The following ADAMTSL1 variants were observed in gnomAD, a reference collection of about 807,000 sequenced individuals.
The protein encoded by ADAMTSL1 is ADAMTS like 1.
Under a neutral mutation model 201.8 loss-of-function variants are expected in ADAMTSL1, and 126 were observed. The observed-to-expected ratio is 0.62, with a 90% CI of 0.54 to 0.72. The LOEUF (loss-of-function observed/expected upper bound fraction) is 0.72, where lower values mean the gene tolerates loss of function less well. Among genes scored for constraint, ADAMTSL1 ranks in the 30% least tolerant of loss-of-function variants. The pLI is 0.00. For synonymous variants in ADAMTSL1, 1,121 were observed against 903.4 expected, an observed-to-expected ratio of 1.24 and a Z score of -4.32; for missense variants, 2,679 against 2,277.8, an observed-to-expected ratio of 1.18 and a Z score of -3.59.
intron 20 of ADAMTSL1, among the ~76,000 whole-genome samples, chr9:18,807,111 C>T (rs1823181275): frequency 6.6e-6 from 1 of 152,164 alleles, no homozygotes. Flanking sequence ...CTTCACTTCT[C>T]ATATTGGGCC....
rs554969798 is a variant in ADAMTSL1, at chr9:18,120,014, G to T, written c.88-43848G>T. On this transcript the variant is annotated intron_variant, in intron 1 of 29. Coordinates refer to the ADAMTSL1 transcript ENST00000680146. The stretch of plus-strand genomic sequence containing the variant: ...TGTGCAACAAACTTACCCCAAATTT[G>T]CCAGCTTAAAACAACGAATTTTTGT... Among the ~76,000 whole-genome samples the T allele has an allele frequency of 2.0e-5, 3 of 152,190 alleles. No individual in the cohort carries two copies. In the East Asian group the frequency reaches 5.8e-4, roughly 29 times the overall value.
chr9:18,128,064 A>G (rs1825809277), intron 1 of ADAMTSL1, among the ~76,000 whole-genome samples: 1 of 152,150 alleles, frequency 6.6e-6, no homozygotes, highest in Non-Finnish European at 1.5e-5. Context: ...TTTTTGTCTA[A>G]CAAATGACTA....
upstream of ADAMTSL1, among the ~76,000 whole-genome samples, chr9:18,470,654 C>T (rs1821171074): frequency 6.6e-6 from 1 of 152,174 alleles, no homozygotes. Context: ...AGACAGGTGG[C>T]TCCAGAGCAA....
intron 2 of ADAMTSL1, among the ~76,000 whole-genome samples, chr9:18,344,597 G>T (rs777300652): frequency 6.6e-5 from 10 of 152,082 alleles, no homozygotes; most frequent in African/African-American, 2.2e-4. Context: ...TTAGCATTCC[G>T]TATGGAGAAG....
intron 7 of ADAMTSL1, among the ~76,000 whole-genome samples, chr9:18,644,015 T>C (rs1827616925): frequency 6.6e-6 from 1 of 151,992 alleles, no homozygotes; most frequent in Admixed American, 6.6e-5. Flanking sequence ...TCATAACACA[T>C]GATATCTTTC....
intron 2 of ADAMTSL1, among the ~76,000 whole-genome samples, chr9:18,212,908 G>C (rs918152467): frequency 1.3e-5 from 2 of 152,118 alleles, no homozygotes; most frequent in Non-Finnish European, 2.9e-5. Context: ...ACACCTGAAA[G>C]TCTTATTTTA....
At chr9:18,677,103 A>G (rs1264676622) in intron 10 of ADAMTSL1, among the ~76,000 whole-genome samples, 1 of 152,024 alleles carries the variant, frequency 6.6e-6, no homozygotes. Context: ...TCCAGCATCT[A>G]CTTAAATATG....
intron 1 of ADAMTSL1, among the ~76,000 whole-genome samples, chr9:18,074,509 T>C (rs113546651): frequency 1.1e-4 from 4 of 37,792 alleles, no homozygotes; most frequent in East Asian, 9.3e-4. Flanking sequence ...TTCTTTTCTT[T>C]TCTTCTTTTC....
At chr9:18,082,436 C>T (rs1395007887) in intron 1 of ADAMTSL1, among the ~76,000 whole-genome samples, 3 of 152,096 alleles carry the variant, frequency 2.0e-5, no homozygotes, top group South Asian at 2.1e-4. Flanking sequence ...CTCAGCCTCC[C>T]GAGTAGCTGG....
At chr9:18,167,786 T>C (rs1288926735) in intron 2 of ADAMTSL1, among the ~76,000 whole-genome samples, 1 of 152,036 alleles carries the variant, frequency 6.6e-6, no homozygotes. Context: ...TACCTGAAGA[T>C]AATTTAATTT....
At chr9:17,993,287 C>T (rs757066918) in intron 1 of ADAMTSL1, among the ~76,000 whole-genome samples, 8 of 152,028 alleles carry the variant, frequency 5.3e-5, no homozygotes, top group Non-Finnish European at 8.8e-5. Context: ...TCCTGTTTAA[C>T]ATGTTAAATT....
In ADAMTSL1 at chr9:18,703,701, C is replaced by CATATATATATATATATATATATATAT. The variant is rs72258520; in HGVS notation, c.1575-3037_1575-3012dup. Among the ~76,000 whole-genome samples, 276 of 78,696 alleles carry CATATATATATATATATATATATATAT rather than the reference C, an allele frequency of 3.5e-3. 24 individuals are homozygous for CATATATATATATATATATATATATAT. The highest frequency in any genetic ancestry group is 4.6e-3 in the Non-Finnish European group (177 of 38,754). 51.6% of individuals were successfully genotyped at this position (78,696 alleles called of 152,430 possible). A position where few individuals can be genotyped will look rare whatever the true frequency, so the allele number is the denominator to read the frequency against. On this transcript the variant is annotated intron_variant, in intron 13 of 28. Coordinates refer to ENST00000380548, the MANE Select transcript of ADAMTSL1 (RefSeq NM_001040272.6). ...AATTACACACGTGCATGCGCACATA[C>CATATATATATATATATATATATATAT]ATATATATATATATATATATATATA...
At chr9:18,489,027 G>A (rs1213862726) in intron 1 of ADAMTSL1, among the ~76,000 whole-genome samples, 1 of 152,066 alleles carries the variant, frequency 6.6e-6, no homozygotes, top group African/African-American at 2.4e-5. Context: ...ATCACCTCAG[G>A]AATTCCAAAC....
At chr9:18,884,775 C>T (rs578260458) in intron 23 of ADAMTSL1, among the ~76,000 whole-genome samples, 2 of 152,154 alleles carry the variant, frequency 1.3e-5, no homozygotes, top group Non-Finnish European at 2.9e-5. Flanking sequence ...TATGCCAGTA[C>T]AGTACTGTTT....
chr9:18,219,214 T>C (rs1830162467), intron 2 of ADAMTSL1, among the ~76,000 whole-genome samples: 1 of 152,030 alleles, frequency 6.6e-6, no homozygotes, highest in South Asian at 2.1e-4. Context: ...GAGTTTGCTT[T>C]TCAAATTCTA....
intron 1 of ADAMTSL1, among the ~76,000 whole-genome samples, chr9:17,922,086 G>A (rs1826325208): frequency 2.3e-5 from 1 of 42,670 alleles, no homozygotes; most frequent in African/African-American, 6.8e-5. Flanking sequence ...TGCAGTTCAG[G>A]CTTTTTTTTT....
chr9:18,384,146 C>T (rs530497348), intron 2 of ADAMTSL1, among the ~76,000 whole-genome samples: 19 of 152,260 alleles, frequency 1.2e-4, no homozygotes, highest in Admixed American at 9.8e-4. Context: ...AATTGACTCA[C>T]AGTTACATAT....
intron 13 of ADAMTSL1, among the ~76,000 whole-genome samples, chr9:18,690,568 A>C (rs1433428457): frequency 1.3e-5 from 2 of 152,230 alleles, no homozygotes; most frequent in African/African-American, 4.8e-5. Flanking sequence ...TTCTTAAGAA[A>C]TCTAAGATCA....
intron 2 of ADAMTSL1, among the ~76,000 whole-genome samples, chr9:18,186,780 T>G (rs1828753159): frequency 6.6e-6 from 1 of 151,992 alleles, no homozygotes; most frequent in African/African-American, 2.4e-5. Context: ...TTGGTCATGC[T>G]GGGAAATTAT....
Sources: gnomAD v4.1 joint callset for allele counts (sites outside exome capture counted in the v4.1 genomes callset) on GRCh38, gnomAD v4.1.1 for gene constraint, MANE v1.5 for transcripts, NCBI Gene and HGNC (gene_info 2026-07-23, HGNC 2026-07-21) for gene names.